UNC5D: variants seen among roughly 807,000 people sequenced by gnomAD.
The protein encoded by UNC5D is unc-5 netrin receptor D.
Under a neutral mutation model 105.4 loss-of-function variants are expected in UNC5D, and 39 were observed. That is an observed-to-expected ratio of 0.37 (90% CI 0.29 to 0.48). UNC5D has a LOEUF of 0.48. Among genes scored for constraint, UNC5D ranks in the 20% least tolerant of loss-of-function variants. The pLI, the probability that UNC5D is intolerant of heterozygous loss-of-function variation, is 0.98. For missense variants in UNC5D, 991 were observed against 1,202.4 expected, an observed-to-expected ratio of 0.82 and a Z score of 2.60; for synonymous variants, 452 against 450.4, an observed-to-expected ratio of 1.00 and a Z score of -0.04.
intron 1 of UNC5D, among the ~76,000 whole-genome samples, chr8:35,308,027 G>A (rs1294258820): frequency 2.0e-5 from 3 of 151,714 alleles, no homozygotes; most frequent in Non-Finnish European, 4.4e-5. Flanking sequence ...GTTTGATTAT[G>A]CTTTATATAT....
chr8:35,426,692 T>G (rs928714461), intron 1 of UNC5D, among the ~76,000 whole-genome samples: 12 of 152,224 alleles, frequency 7.9e-5, no homozygotes, highest in African/African-American at 2.9e-4. Flanking sequence ...AGGTGATTTT[T>G]TAACTTCAGA....
chr8:35,551,808 C>T (rs1205087731), intron 2 of UNC5D, among the ~76,000 whole-genome samples: 1 of 147,264 alleles, frequency 6.8e-6, no homozygotes, highest in East Asian at 2.0e-4. Context: ...CAGAGCAAGA[C>T]TCCGTCTAAA....
At chr8:35,422,727 C>T (rs549036271) in intron 1 of UNC5D, among the ~76,000 whole-genome samples, 3 of 152,260 alleles carry the variant, frequency 2.0e-5, no homozygotes, top group South Asian at 2.1e-4. Flanking sequence ...TATTGAATAC[C>T]TACTATGTGC....
At chr8:35,327,829 T>C (rs1162542177) in intron 1 of UNC5D, among the ~76,000 whole-genome samples, 1 of 152,218 alleles carries the variant, frequency 6.6e-6, no homozygotes, top group Non-Finnish European at 1.5e-5. Context: ...GCAAGAGTCA[T>C]TTATCAGAAG....
chr8:35,434,844 T>C (rs1440150839), intron 1 of UNC5D, among the ~76,000 whole-genome samples: 3 of 152,132 alleles, frequency 2.0e-5, no homozygotes, highest in Non-Finnish European at 2.9e-5. Context: ...GCATAAAATA[T>C]TTTCTCTGGT....
At chr8:35,281,959 C>A (rs1417932802) in intron 1 of UNC5D, among the ~76,000 whole-genome samples, 1 of 152,088 alleles carries the variant, frequency 6.6e-6, no homozygotes, top group Non-Finnish European at 1.5e-5. Context: ...ATGACCTATC[C>A]CTGCACATGT....
intron 1 of UNC5D, among the ~76,000 whole-genome samples, chr8:35,266,020 A>G (rs944867860): frequency 1.3e-5 from 2 of 152,082 alleles, no homozygotes; most frequent in African/African-American, 4.8e-5. Context: ...TGATGGGTAC[A>G]TGATAGTATA....
At chr8:35,280,317 C>T (rs1006143844) in intron 1 of UNC5D, among the ~76,000 whole-genome samples, 3 of 152,150 alleles carry the variant, frequency 2.0e-5, no homozygotes, top group Admixed American at 1.3e-4. Context: ...TGTAATGTCT[C>T]CACTTACTCT....
chr8:35,482,272 A>T lies in UNC5D; in HGVS notation c.104-67020A>T, dbSNP rs867717169. Among the ~76,000 whole-genome samples, 3 of 152,262 alleles carry T rather than the reference A, an allele frequency of 2.0e-5. No individual in the cohort carries two copies. The South Asian group carries it at 6.2e-4, about 32-fold the overall frequency. On this transcript the variant is annotated intron_variant, in intron 1 of 16. Transcript: ENST00000404895. Reference sequence around the variant, plus strand: ...TTTCCTCCTGACTGTAATGCTCATAAAGCATTTTATGCAGTATCTGACACA... The same window carrying T: ...TTTCCTCCTGACTGTAATGCTCATATAGCATTTTATGCAGTATCTGACACA...
At chr8:35,529,476 G>A (rs1377953840) in intron 1 of UNC5D, among the ~76,000 whole-genome samples, 2 of 147,194 alleles carry the variant, frequency 1.4e-5, no homozygotes, top group Non-Finnish European at 3.0e-5. Flanking sequence ...TTGAAGTCAG[G>A]TAGTGTGATG....
At chr8:35,515,324 A>C (rs1404830865) in intron 1 of UNC5D, among the ~76,000 whole-genome samples, 5 of 152,226 alleles carry the variant, frequency 3.3e-5, no homozygotes, top group Non-Finnish European at 7.3e-5. Context: ...TACTGTCTCC[A>C]TTGAGTTTAA....
intron 7 of UNC5D, among the ~76,000 whole-genome samples, chr8:35,691,354 G>A (rs1826374953): frequency 1.3e-5 from 2 of 152,280 alleles, no homozygotes; most frequent in African/African-American, 2.4e-5. Flanking sequence ...AAGTGTGGTG[G>A]TGCATGCCTG....
intron 1 of UNC5D, among the ~76,000 whole-genome samples, chr8:35,282,030 T>TA (rs1199797865): frequency 2.6e-5 from 4 of 152,244 alleles, no homozygotes; most frequent in Non-Finnish European, 5.9e-5. Flanking sequence ...AATAGCCAGC[T>TA]AAGCCGGATT....
At chr8:35,382,743 G>A (rs186656176) in intron 1 of UNC5D, among the ~76,000 whole-genome samples, 1 of 152,232 alleles carries the variant, frequency 6.6e-6, no homozygotes, top group East Asian at 1.9e-4. Flanking sequence ...ATTAACACTC[G>A]CCAGCTTACA....
rs374910157 is a variant in UNC5D, at chr8:35,293,952, G to T, written c.103+58065G>T. ...TTAGATACCTTTGTGTTGAATACAT[G>T]GGGTTCTGGGTGTTCAGGAGCATTG... On this transcript the variant is annotated intron_variant, in intron 1 of 16. Coordinates refer to ENST00000404895, the MANE Select transcript of UNC5D (RefSeq NM_080872.4). Among the ~76,000 whole-genome samples, 23 of 152,030 alleles carry T rather than the reference G, an allele frequency of 1.5e-4. No homozygotes were observed. In the East Asian group the frequency reaches 1.5e-3, roughly 10 times the overall value.
intron 1 of UNC5D, among the ~76,000 whole-genome samples, chr8:35,249,572 A>AATAATG (rs1252509160): frequency 8.5e-5 from 2 of 23,518 alleles, no homozygotes; most frequent in Non-Finnish European, 1.5e-4. Flanking sequence ...TAATAATAAT[A>AATAATG]ATAATAATAA....
Position 35,405,174 on chromosome 8 carries a change from A to G in UNC5D, c.104-144118A>G, listed in dbSNP as rs113519076. Among the ~76,000 whole-genome samples, 1,041 of 152,288 alleles carry G rather than the reference A, an allele frequency of 6.8e-3. 16 individuals carry two copies. Among genetic ancestry groups the G allele is most frequent in the African/African-American group, 0.024 (1,000 of 41,556 alleles). ...TCATTTTTCATACCAGCAGCATTCC[A>G]TGCCCAAATAGTGGTAGCTGCATGC... On this transcript the variant is annotated intron_variant, in intron 1 of 16. Coordinates refer to ENST00000404895, the MANE Select transcript of UNC5D (RefSeq NM_080872.4).
At chr8:35,655,791 G>A (rs1823692693) in intron 4 of UNC5D, among the ~76,000 whole-genome samples, 1 of 152,196 alleles carries the variant, frequency 6.6e-6, no homozygotes, top group Non-Finnish European at 1.5e-5. Context: ...GTGGGCAAGA[G>A]AGGGAGAGAT....
At chr8:35,643,660 G>A (rs998605800) in intron 4 of UNC5D, among the ~76,000 whole-genome samples, 2 of 152,122 alleles carry the variant, frequency 1.3e-5, no homozygotes, top group Admixed American at 6.5e-5. Flanking sequence ...GATTACAGGT[G>A]TGAGCCACTG....
Sources: gnomAD v4.1 joint callset for allele counts (sites outside exome capture counted in the v4.1 genomes callset) on GRCh38, gnomAD v4.1.1 for gene constraint, MANE v1.5 for transcripts, NCBI Gene and HGNC (gene_info 2026-07-23, HGNC 2026-07-21) for gene names.